The following NPAS3 variants were observed in gnomAD, a reference collection of about 807,000 sequenced individuals.
The protein encoded by NPAS3 is neuronal PAS domain protein 3.
Under a neutral mutation model 73.1 loss-of-function variants are expected in NPAS3, and 14 were observed. The ratio of observed to expected loss-of-function variants is 0.19; its 90% CI spans 0.13 to 0.30. NPAS3 has a LOEUF of 0.30. Ranked by LOEUF, NPAS3 falls within the 10% of genes least tolerant of loss-of-function variation. The probability of loss-of-function intolerance (pLI) is 1.00; values close to 1 mark genes in which losing one functional copy is unlikely to be tolerated. For missense variants in NPAS3, 1,096 were observed against 1,250.0 expected, an observed-to-expected ratio of 0.88 and a Z score of 1.86; for synonymous variants, 620 against 541.5, an observed-to-expected ratio of 1.14 and a Z score of -2.01.
chr14:33,205,649 C>T (rs1284455801), intron 2 of NPAS3, among the ~76,000 whole-genome samples: 1 of 152,056 alleles, frequency 6.6e-6, no homozygotes, highest in Non-Finnish European at 1.5e-5. Flanking sequence ...AAAAGGGGAA[C>T]CATTTTATTT....
At chr14:33,276,258 G>A (rs868807079) in intron 3 of NPAS3, among the ~76,000 whole-genome samples, 6 of 152,062 alleles carry the variant, frequency 3.9e-5, no homozygotes, top group East Asian at 1.9e-4. Context: ...AGGAGAACAC[G>A]GGAGTAGTGA....
At chr14:33,590,095 G>T (rs994415180) in intron 5 of NPAS3, among the ~76,000 whole-genome samples, 6 of 152,124 alleles carry the variant, frequency 3.9e-5, no homozygotes, top group Non-Finnish European at 7.4e-5. Context: ...TGGAAAAAAT[G>T]CAGATTATTT....
intron 5 of NPAS3, among the ~76,000 whole-genome samples, chr14:33,572,259 C>T (rs115350916): frequency 0.014 from 2,082 of 152,166 alleles, 45 homozygotes; most frequent in African/African-American, 0.048. Context: ...CTTATCTCTT[C>T]ATATTTATAG....
chr14:33,746,139 G>A (rs561681205), intron 7 of NPAS3, among the ~76,000 whole-genome samples: 20 of 151,068 alleles, frequency 1.3e-4, no homozygotes, highest in Non-Finnish European at 2.5e-4. Context: ...CATTCCTTAG[G>A]GGATTCTATT....
At chr14:32,994,024 C>T (rs1217579467) in intron 1 of NPAS3, among the ~76,000 whole-genome samples, 1 of 152,044 alleles carries the variant, frequency 6.6e-6, no homozygotes, top group Non-Finnish European at 1.5e-5. Context: ...TTACCTTCTG[C>T]CCCAGGGAAA....
intron 2 of NPAS3, among the ~76,000 whole-genome samples, chr14:33,139,144 A>C (rs2043950648): frequency 6.6e-6 from 1 of 152,210 alleles, no homozygotes; most frequent in South Asian, 2.1e-4. Flanking sequence ...ACATCAGAAC[A>C]GTCTTTTAAT....
rs916953785 is a variant in NPAS3, at chr14:33,769,756, C to CTTTTTTT, written c.853-4561_853-4555dup. On this transcript the variant is annotated intron_variant, in intron 7 of 11. Transcript: ENST00000356141. ...CCTGAAAGACTTGGATTTTTTTTTT[C>CTTTTTTT]TTTTTTTTTTTTTTTTTTTTTTTTT... 1.0e-3 allele frequency among the ~76,000 whole-genome samples: 82 copies of CTTTTTTT among 81,872 alleles called. 8 individuals are homozygous for CTTTTTTT. The highest frequency in any genetic ancestry group is 2.4e-3 in the East Asian group (6 of 2,504). 53.7% of individuals were successfully genotyped at this position (81,872 alleles called of 152,430 possible).
At chr14:33,649,486 C>T (rs1001626833) in intron 5 of NPAS3, among the ~76,000 whole-genome samples, 2 of 152,208 alleles carry the variant, frequency 1.3e-5, no homozygotes, top group African/African-American at 2.4e-5. Flanking sequence ...ATTCCCATCT[C>T]ATGTCACAAA....
At chr14:33,250,560 A>G (rs994290963) in intron 3 of NPAS3, among the ~76,000 whole-genome samples, 5 of 152,260 alleles carry the variant, frequency 3.3e-5, no homozygotes, top group Admixed American at 1.3e-4. Context: ...TGTTAAATCA[A>G]TTCGCTAGAC....
At chr14:33,739,603 G>T (rs116395822) in intron 7 of NPAS3, among the ~76,000 whole-genome samples, 1,838 of 152,206 alleles carry the variant, frequency 0.012, 54 homozygotes, top group African/African-American at 0.04. Flanking sequence ...GTGGAATAAG[G>T]TGCACATGAA....
At chr14:33,158,838 G>C (rs1328536081) in intron 2 of NPAS3, among the ~76,000 whole-genome samples, 1 of 152,122 alleles carries the variant, frequency 6.6e-6, no homozygotes, top group Non-Finnish European at 1.5e-5. Flanking sequence ...TAGGGAAAGG[G>C]GTTCTTAGCT....
At chr14:33,085,418 C>A (rs1004636746) in intron 2 of NPAS3, among the ~76,000 whole-genome samples, 3 of 152,212 alleles carry the variant, frequency 2.0e-5, no homozygotes, top group Non-Finnish European at 2.9e-5. Flanking sequence ...TTGCTCCCAA[C>A]TGAGTATGAT....
intron 5 of NPAS3, among the ~76,000 whole-genome samples, chr14:33,663,449 G>T (rs948004661): frequency 3.9e-5 from 6 of 152,146 alleles, no homozygotes; most frequent in Non-Finnish European, 8.8e-5. Flanking sequence ...TTTTTGATGT[G>T]CTGCTGGATT....
intron 7 of NPAS3, among the ~76,000 whole-genome samples, chr14:33,767,173 A>C (rs1408254686): frequency 2.0e-5 from 3 of 152,200 alleles, no homozygotes; most frequent in African/African-American, 7.2e-5. Flanking sequence ...AGGTGGCAAG[A>C]GTGAGACAGA....
intron 4 of NPAS3, among the ~76,000 whole-genome samples, chr14:33,505,759 A>G (rs1265149006): frequency 2.6e-5 from 4 of 151,978 alleles, no homozygotes; most frequent in Admixed American, 2.6e-4. Context: ...ACCAATAGGC[A>G]GTTGCATTCA....
At chr14:33,234,543 G>A (rs976002425) in intron 3 of NPAS3, among the ~76,000 whole-genome samples, 2 of 152,044 alleles carry the variant, frequency 1.3e-5, no homozygotes, top group African/African-American at 2.4e-5. Flanking sequence ...CTTCCAGCTC[G>A]TTAAGTCTGG....
chr14:33,124,590 A>T (rs565900882), intron 2 of NPAS3, among the ~76,000 whole-genome samples: 1 of 152,272 alleles, frequency 6.6e-6, no homozygotes, highest in East Asian at 1.9e-4. Context: ...TGAAAGAGGC[A>T]TGTTAATGGA....
chr14:33,337,872 A>G (rs2044298126), intron 3 of NPAS3, among the ~76,000 whole-genome samples: 2 of 151,930 alleles, frequency 1.3e-5, no homozygotes, highest in South Asian at 2.1e-4. Flanking sequence ...ATTTTCAAAT[A>G]TTTGCTAGTA....
In NPAS3 at chr14:33,226,870, G is replaced by A. The variant is rs77448185; in HGVS notation, c.385+11444G>A. Among the ~76,000 whole-genome samples the A allele has an allele frequency of 1.7e-3, 253 of 152,262 alleles. 1 individual carries two copies. Among genetic ancestry groups the A allele is most frequent in the Non-Finnish European group, 2.3e-3 (159 of 68,014 alleles). Reference sequence around the variant, plus strand: ...TGGGAAATAAGACTGTTGAATATCAGCACTGATGATAAAAACAGACTGTGT... The same window carrying A: ...TGGGAAATAAGACTGTTGAATATCAACACTGATGATAAAAACAGACTGTGT... On this transcript the variant is annotated intron_variant, in intron 3 of 11. Transcript: ENST00000356141.
Sources: allele counts gnomAD v4.1 joint callset (sites outside exome capture counted in the v4.1 genomes callset), GRCh38; gene constraint gnomAD v4.1.1; transcripts MANE v1.5; gene names NCBI Gene and HGNC (gene_info 2026-07-23, HGNC 2026-07-21).